SAMD4A: variants seen among roughly 807,000 people sequenced by gnomAD.
The protein encoded by SAMD4A is protein Smaug homolog 1.
Under a neutral mutation model 81.3 loss-of-function variants are expected in SAMD4A, and 33 were observed. That is an observed-to-expected ratio of 0.41 (90% confidence interval 0.31 to 0.54). The LOEUF (loss-of-function observed/expected upper bound fraction) is 0.54, where lower values mean the gene tolerates loss of function less well. Among genes scored for constraint, SAMD4A ranks in the 20% least tolerant of loss-of-function variants. The pLI, the probability that SAMD4A is intolerant of heterozygous loss-of-function variation, is 0.37. For missense variants in SAMD4A, 854 were observed against 951.1 expected, an observed-to-expected ratio of 0.90 and a Z score of 1.34; for synonymous variants, 389 against 382.1, an observed-to-expected ratio of 1.02 and a Z score of -0.21.
At chr14:54,769,848 G>T (rs1268839971) in intron 8 of SAMD4A, among the ~76,000 whole-genome samples, 1 of 152,186 alleles carries the variant, frequency 6.6e-6, no homozygotes, top group African/African-American at 2.4e-5. Flanking sequence ...ATATGGATCT[G>T]CCAGAAATGT....
intron 2 of SAMD4A, among the ~76,000 whole-genome samples, chr14:54,700,628 T>C (rs1247857322): frequency 1.3e-5 from 2 of 152,150 alleles, no homozygotes; most frequent in Non-Finnish European, 2.9e-5. Context: ...CTAGCCCTTG[T>C]AGGGTCATCA....
intron 2 of SAMD4A, among the ~76,000 whole-genome samples, chr14:54,658,775 T>C (rs975891995): frequency 6.6e-6 from 1 of 152,356 alleles, no homozygotes; most frequent in South Asian, 2.1e-4. Context: ...TCCAAGCCTC[T>C]CTACTCATTT....
Position 54,760,376 on chromosome 14 carries a change from G to T in SAMD4A, c.1392G>T (p.Ser464=). The T allele has an allele frequency of 6.5e-7, 1 of 1,544,470 alleles. No homozygotes were observed. Among genetic ancestry groups the T allele is most frequent in the Non-Finnish European group, 8.7e-7 (1 of 1,155,654 alleles). ...CCACTGGCGCCACGGCCACCCCCTCGGCCGGGGCCAGCGGGGGGCTCCAGC... is the reference window on the plus strand; with the variant it reads ...CCACTGGCGCCACGGCCACCCCCTCTGCCGGGGCCAGCGGGGGGCTCCAGC... ...AAATGATATP[S]AGASGGLQPH... is the part of the protein sequence containing the mutation. Residue 464 remains serine (S), a synonymous_variant, in exon 7 of 13, where the codon TCG becomes TCT. Transcript: ENST00000554335.
intron 2 of SAMD4A, among the ~76,000 whole-genome samples, chr14:54,590,534 G>A (rs2033746566): frequency 6.6e-6 from 1 of 152,164 alleles, no homozygotes; most frequent in South Asian, 2.1e-4. Context: ...GTTATAAAAG[G>A]TGGGAAGATG....
intron 2 of SAMD4A, among the ~76,000 whole-genome samples, chr14:54,679,180 GTTGTT>G (rs1253611712): frequency 6.6e-6 from 1 of 152,172 alleles, no homozygotes; most frequent in African/African-American, 2.4e-5. Context: ...AATATTTAAA[GTTGTT>G]TTGGGTGATT....
At chr14:54,638,417 A>G (rs1161222501) in intron 2 of SAMD4A, among the ~76,000 whole-genome samples, 1 of 152,228 alleles carries the variant, frequency 6.6e-6, no homozygotes, top group East Asian at 1.9e-4. Context: ...AAGGAATTCT[A>G]GAATATTGGC....
intron 3 of SAMD4A, among the ~76,000 whole-genome samples, chr14:54,711,666 G>T (rs191604442): frequency 8.5e-5 from 13 of 152,256 alleles, no homozygotes; most frequent in Non-Finnish European, 1.6e-4. Flanking sequence ...GGGTTCGGGG[G>T]AGGACATTGG....
intron 6 of SAMD4A, among the ~76,000 whole-genome samples, chr14:54,757,497 A>T (rs552821557): frequency 6.6e-6 from 1 of 151,590 alleles, no homozygotes; most frequent in African/African-American, 2.4e-5. Context: ...TGGGGCATGC[A>T]TATGTTTCCT....
chr14:54,675,403 A>G (rs1156988621), intron 2 of SAMD4A, among the ~76,000 whole-genome samples: 2 of 148,792 alleles, frequency 1.3e-5, no homozygotes, highest in East Asian at 4.0e-4. Context: ...AGAATCCCCT[A>G]CCATGGAGAG....
At chr14:54,604,785 C>G (rs970543628) in intron 2 of SAMD4A, among the ~76,000 whole-genome samples, 1 of 152,114 alleles carries the variant, frequency 6.6e-6, no homozygotes, top group Admixed American at 6.6e-5. Flanking sequence ...GTATATAACA[C>G]TTATTAATAT....
intron 3 of SAMD4A, among the ~76,000 whole-genome samples, chr14:54,735,625 G>T (rs2037673289): frequency 6.6e-6 from 1 of 152,202 alleles, no homozygotes; most frequent in East Asian, 1.9e-4. Flanking sequence ...TGGCTCTCAG[G>T]CTTGGTGACT....
chr14:54,625,562 C>T (rs2140316379), intron 2 of SAMD4A, among the ~76,000 whole-genome samples: 2 of 152,322 alleles, frequency 1.3e-5, no homozygotes, highest in Admixed American at 1.3e-4. Context: ...TTCTTCAGAT[C>T]ACCAGGTGAT....
Position 54,770,154 on chromosome 14 carries a change from G to A in SAMD4A, c.1647G>A (p.Val549=), listed in dbSNP as rs771068863. ...KKRLLSWKQQ[V]QKLFRSFPRK... is the part of the protein sequence containing the mutation. ...GATTGTTGTCATGGAAACAGCAGGT[G>A]CAGAAGCTCTTTCGGTCTTTCCCTC... The change falls in exon 9 of 13, where the codon GTG becomes GTA. Residue 549 remains valine, a synonymous_variant. Transcript: ENST00000554335. 2 of 1,614,202 alleles carry A rather than the reference G, an allele frequency of 1.2e-6. No individual in the cohort carries two copies. Among genetic ancestry groups the A allele is most frequent in the Non-Finnish European group, 1.7e-6 (2 of 1,180,006 alleles).
At chr14:54,774,652 C>CAAAAAAAAAAA (rs1286823182) in intron 9 of SAMD4A, among the ~76,000 whole-genome samples, 24 of 134,082 alleles carry the variant, frequency 1.8e-4, no homozygotes, top group African/African-American at 3.2e-4. Flanking sequence ...CCATCTCTAC[C>CAAAAAAAAAAA]AAAAAAAAAA....
At chr14:54,726,351 A>G (rs531108270) in intron 3 of SAMD4A, among the ~76,000 whole-genome samples, 1 of 152,286 alleles carries the variant, frequency 6.6e-6, no homozygotes, top group South Asian at 2.1e-4. Context: ...CCCTGGTTCA[A>G]AATATCATTT....
intron 2 of SAMD4A, among the ~76,000 whole-genome samples, chr14:54,629,669 T>G (rs999210800): frequency 2.0e-5 from 3 of 152,244 alleles, no homozygotes; most frequent in Admixed American, 1.3e-4. Flanking sequence ...AAAAATTTTT[T>G]TTTCAATTGC....
At chr14:54,764,808 C>A (rs1157659931) in intron 8 of SAMD4A, among the ~76,000 whole-genome samples, 1 of 152,198 alleles carries the variant, frequency 6.6e-6, no homozygotes, top group African/African-American at 2.4e-5. Context: ...GGAAGCAGCC[C>A]CGGGTGGCCA....
intron 2 of SAMD4A, among the ~76,000 whole-genome samples, chr14:54,605,539 A>C (rs1279174385): frequency 6.6e-6 from 1 of 152,212 alleles, no homozygotes; most frequent in Non-Finnish European, 1.5e-5. Flanking sequence ...TTATTTTAAA[A>C]TGAGCAGGGA....
intron 9 of SAMD4A, among the ~76,000 whole-genome samples, chr14:54,771,313 C>A (rs1355272689): frequency 6.6e-6 from 1 of 152,234 alleles, no homozygotes; most frequent in African/African-American, 2.4e-5. Context: ...ATCCTCATGA[C>A]AACCATGTGA....
Sources: gnomAD v4.1 joint callset for allele counts (sites outside exome capture counted in the v4.1 genomes callset) on GRCh38, gnomAD v4.1.1 for gene constraint, MANE v1.5 for transcripts, NCBI Gene and HGNC (gene_info 2026-07-23, HGNC 2026-07-21) for gene names.